Variants in KCNAB1 observed in about 807,000 individuals in gnomAD.
KCNAB1 encodes the protein potassium voltage-gated channel subfamily A regulatory beta subunit 1.
Under a neutral mutation model 64.6 loss-of-function variants are expected in KCNAB1, and 35 were observed. That is an observed-to-expected ratio of 0.54 (90% confidence interval 0.41 to 0.72). KCNAB1 has a LOEUF of 0.72. KCNAB1 is among the 30% of genes least tolerant of loss of function. The pLI is 0.00. For missense variants in KCNAB1, 401 were observed against 512.9 expected (o/e 0.78, Z 2.11); for synonymous variants, 177 against 183.8 (o/e 0.96, Z 0.30).
At chr3:156,154,785 C>T (rs930425318) in intron 1 of KCNAB1, among the ~76,000 whole-genome samples, 5 of 152,138 alleles carry the variant, frequency 3.3e-5, no homozygotes, top group Non-Finnish European at 7.4e-5. Flanking sequence ...GCTGCTGGGA[C>T]TGGGCAATGG....
chr3:156,476,604 T>C (rs1714381130), intron 8 of KCNAB1, among the ~76,000 whole-genome samples: 2 of 151,944 alleles, frequency 1.3e-5, no homozygotes, highest in African/African-American at 4.8e-5. Flanking sequence ...CATATATATA[T>C]ATCTCACAGT....
chr3:156,309,922 A>G (rs995220209), intron 1 of KCNAB1, among the ~76,000 whole-genome samples: 1 of 152,230 alleles, frequency 6.6e-6, no homozygotes, highest in Non-Finnish European at 1.5e-5. Flanking sequence ...CCAAGTGCCT[A>G]GTGCAATGTT....
At chr3:156,463,884 C>A in intron 6 of KCNAB1, 138 bp downstream of exon 6, 1 of 591,590 alleles carries the variant, frequency 1.7e-6, no homozygotes, top group Non-Finnish European at 2.9e-6. Flanking sequence ...GTTTTTTTCT[C>A]ACACTAAGGA....
At chr3:156,530,804 C>T (rs12632052) in intron 12 of KCNAB1, among the ~76,000 whole-genome samples, 82,568 of 151,850 alleles carry the variant, frequency 0.54, 22,676 homozygotes, top group East Asian at 0.62. Flanking sequence ...CTAGAGTCTA[C>T]AAGAGTTCCA....
intron 1 of KCNAB1, among the ~76,000 whole-genome samples, chr3:156,162,144 A>G (rs2108311416): frequency 6.6e-6 from 1 of 152,288 alleles, no homozygotes; most frequent in South Asian, 2.1e-4. Context: ...CAGCCTTTGA[A>G]GAACTCACAT....
chr3:156,331,371 C>T (rs899499414), intron 1 of KCNAB1, among the ~76,000 whole-genome samples: 2 of 151,996 alleles, frequency 1.3e-5, no homozygotes, highest in African/African-American at 4.8e-5. Context: ...ATCAGTGGTA[C>T]CGAATTGCTG....
chr3:156,291,083 A>G, intron 1 of KCNAB1: 1 of 985,478 alleles, frequency 1.0e-6, no homozygotes, highest in South Asian at 4.7e-5. Flanking sequence ...GTCTGGGCAG[A>G]GCCCCTTTTT....
At chr3:156,237,862 A>C (rs1716936671) in intron 1 of KCNAB1, among the ~76,000 whole-genome samples, 1 of 152,130 alleles carries the variant, frequency 6.6e-6, no homozygotes. Flanking sequence ...TGTCTTCTCC[A>C]CCACAGTGCA....
At chr3:156,397,983 G>A (rs1019957928) in intron 1 of KCNAB1, among the ~76,000 whole-genome samples, 2 of 152,090 alleles carry the variant, frequency 1.3e-5, no homozygotes, top group African/African-American at 2.4e-5. Context: ...GCCTTAATCA[G>A]GAAAACCAGG....
At chr3:156,309,360 A>C (rs1251869866) in intron 1 of KCNAB1, among the ~76,000 whole-genome samples, 1 of 152,262 alleles carries the variant, frequency 6.6e-6, no homozygotes, top group African/African-American at 2.4e-5. Context: ...CAGAGGCCTC[A>C]GCCCTCTCTA....
intron 1 of KCNAB1, among the ~76,000 whole-genome samples, chr3:156,221,871 G>T (rs1715785520): frequency 6.6e-6 from 1 of 150,958 alleles, no homozygotes; most frequent in Non-Finnish European, 1.5e-5. Context: ...AACACTGACA[G>T]AATTTTCCAT....
chr3:156,382,090 C>T lies in KCNAB1; in HGVS notation c.276-39526C>T, dbSNP rs190427040. ...AATTCATCTGTAAAGTTCCCCAACACACTGCCCATTCCAAAATCTTGGGGA... is the reference window on the plus strand; with the variant it reads ...AATTCATCTGTAAAGTTCCCCAACATACTGCCCATTCCAAAATCTTGGGGA... On this transcript the variant is annotated intron_variant, in intron 1 of 13. Transcript: ENST00000490337. 586 of 152,276 alleles carry T rather than the reference C, an allele frequency of 3.8e-3. 4 individuals are homozygous for T. Among genetic ancestry groups the T allele is most frequent in the African/African-American group, 0.013 (559 of 41,540 alleles). 9.4% of individuals were successfully genotyped at this position (152,276 alleles called of 1,614,324 possible). A position where few individuals can be genotyped will look rare whatever the true frequency, so the allele number is the denominator to read the frequency against.
intron 13 of KCNAB1, among the ~76,000 whole-genome samples, chr3:156,533,697 G>A (rs925602465): frequency 1.4e-4 from 21 of 152,138 alleles, no homozygotes; most frequent in Non-Finnish European, 3.1e-4. Flanking sequence ...GAGGGTAGTG[G>A]CCATGGAGGG....
chr3:156,177,559 A>G (rs944449158), intron 1 of KCNAB1, among the ~76,000 whole-genome samples: 2 of 151,698 alleles, frequency 1.3e-5, no homozygotes, highest in African/African-American at 2.4e-5. Flanking sequence ...TTGTATTTTT[A>G]GTAGAGACGG....
At chr3:156,535,119 T>C (rs1475610791) in intron 13 of KCNAB1, among the ~76,000 whole-genome samples, 3 of 152,184 alleles carry the variant, frequency 2.0e-5, no homozygotes, top group African/African-American at 7.2e-5. Flanking sequence ...ATTCCAGAGC[T>C]AGTGGGAAAC....
chr3:156,205,593 C>T (rs1267692626), intron 1 of KCNAB1, among the ~76,000 whole-genome samples: 4 of 152,210 alleles, frequency 2.6e-5, no homozygotes, highest in Non-Finnish European at 4.4e-5. Flanking sequence ...TTGTCAGGTC[C>T]GATCGATCAT....
chr3:156,173,311 C>T (rs190007004), intron 1 of KCNAB1, among the ~76,000 whole-genome samples: 5 of 152,094 alleles, frequency 3.3e-5, no homozygotes, highest in South Asian at 2.1e-4. Context: ...AGGGTGTTTC[C>T]GAGATGAGGG....
chr3:156,332,125 A>C (rs1042787352), intron 1 of KCNAB1, among the ~76,000 whole-genome samples: 5 of 152,214 alleles, frequency 3.3e-5, no homozygotes, highest in Non-Finnish European at 7.4e-5. Context: ...TAAACTATGA[A>C]TAGTATGTGG....
intron 1 of KCNAB1, among the ~76,000 whole-genome samples, chr3:156,411,314 G>A (rs972204764): frequency 6.6e-6 from 1 of 151,948 alleles, no homozygotes; most frequent in African/African-American, 2.4e-5. Context: ...CATGTAACAT[G>A]TCTTTTCATT....
Sources: allele counts gnomAD v4.1 joint callset (sites outside exome capture counted in the v4.1 genomes callset), GRCh38; gene constraint gnomAD v4.1.1; transcripts MANE v1.5; gene names NCBI Gene and HGNC (gene_info 2026-07-23, HGNC 2026-07-21).